Variants in PABPC4 observed in about 807,000 individuals in gnomAD.
PABPC4 encodes the protein polyadenylate-binding protein 4.
PABPC4 carries 15 observed loss-of-function variants against 74.5 expected under a neutral mutation model. The ratio of observed to expected loss-of-function variants is 0.20; its 90% confidence interval spans 0.13 to 0.31. The LOEUF (loss-of-function observed/expected upper bound fraction) is 0.31, where lower values mean the gene tolerates loss of function less well. PABPC4 is among the 10% of genes least tolerant of loss of function. The pLI is 1.00. For missense variants in PABPC4, 610 were observed against 853.5 expected (o/e 0.71, Z 3.55); for synonymous variants, 345 against 303.0 (o/e 1.14, Z -1.44).
At chr1:39,574,715 A>AG (rs1275102862) in intron 1 of PABPC4, among the ~76,000 whole-genome samples, 1 of 152,256 alleles carries the variant, frequency 6.6e-6, no homozygotes, top group Non-Finnish European at 1.5e-5. Context: ...CAGAAAACAA[A>AG]GGGGGGACCC....
At chr1:39,570,132 G>A in intron 3 of PABPC4, 130 bp from the exon 4 acceptor site, 1 of 878,376 alleles carries the variant, frequency 1.1e-6, no homozygotes, top group East Asian at 2.5e-5. Context: ...CCACCAAGGA[G>A]GCTCAGAGAT....
chr1:39,563,438 A>T, intron 12 of PABPC4, 176 bp downstream of exon 12: 2 of 785,380 alleles, frequency 2.5e-6, no homozygotes, highest in Non-Finnish European at 3.9e-6. Context: ...GAGCACTTTT[A>T]AGCCCCTTCT....
chr1:39,564,576 G>T, intron 9 of PABPC4, 34 bp from the exon 10 acceptor site: 1 of 1,613,546 alleles, frequency 6.2e-7, no homozygotes. Context: ...TCATTGAGAA[G>T]TGATGTGGAC....
chr1:39,572,613 A>T, intron 1 of PABPC4, 27 bp from the exon 2 acceptor site: 1 of 1,591,608 alleles, frequency 6.3e-7, no homozygotes, highest in East Asian at 2.2e-5. Flanking sequence ...CATTTCAATA[A>T]GGAGAGAAAA....
chr1:39,573,358 C>A (rs12130013), intron 1 of PABPC4, among the ~76,000 whole-genome samples: 1 of 152,126 alleles, frequency 6.6e-6, no homozygotes, highest in African/African-American at 2.4e-5. Context: ...GTAGACAGTG[C>A]GCAGATGGCA....
Position 39,576,016 on chromosome 1 carries a change from A to C in PABPC4, c.-65T>G. On this transcript the variant is annotated 5_prime_UTR_variant, in exon 1 of 16. Coordinates refer to ENST00000372858, the MANE Select transcript of PABPC4 (RefSeq NM_001135653.2). ...TTCTTATCGGGCCCGCCGCAGGACA[A>C]AGGGGCGCCTTCGGAGCCCGGGCCC... 7.8e-6 allele frequency: 9 copies of C among 1,150,806 alleles called. No individual in the cohort carries two copies. The highest frequency in any genetic ancestry group is 8.1e-6 in the Non-Finnish European group (7 of 861,316). 71.3% of individuals were successfully genotyped at this position (1,150,806 alleles called of 1,614,324 possible). A position where few individuals can be genotyped will look rare whatever the true frequency, so the allele number is the denominator to read the frequency against.
intron 7 of PABPC4, 102 bp from the exon 8 acceptor site, chr1:39,565,480 CTGCT>C (rs1645822986): frequency 8.2e-7 from 1 of 1,219,294 alleles, no homozygotes; most frequent in Non-Finnish European, 1.2e-6. Context: ...GGTGGGAGGG[CTGCT>C]TGAGCTCAGG....
chr1:39,570,017 T>C lies in PABPC4; in HGVS notation c.504-15A>G, dbSNP rs149266045. On this transcript the variant is annotated splice_polypyrimidine_tract_variant and intron_variant, in intron 3 of 15. Transcript: ENST00000372858. ...TGCCCACAAATCTAAAATGAAACCA[T>C]GAAGAACAGTAATTACCCAGAGGAA... 1.1e-4 allele frequency: 172 copies of C among 1,611,864 alleles called. No homozygotes were observed. The African/African-American group carries it at 2.0e-3, about 19-fold the overall frequency.
chr1:39,568,804 G>T lies in PABPC4; in HGVS notation c.874C>A (p.Gln292Lys). 1 of 1,613,050 alleles carries T rather than the reference G, an allele frequency of 6.2e-7. No individual in the cohort carries two copies. Among genetic ancestry groups the T allele is most frequent in the Non-Finnish European group, 8.5e-7 (1 of 1,179,696 alleles). ...AGGCTGGGCCAAGACCACCTTACCT[G>T]ATATCGACTAATTCTCTCCTGTTTC... ...QLKQERISRYQGVNLYIKNLD... is the reference protein window; with the variant it reads ...QLKQERISRYKGVNLYIKNLD... Residue 292 changes from glutamine (Q) to lysine (K), a missense_variant and splice_region_variant, in exon 6 of 16, where the codon CAG (glutamine) becomes AAG (lysine). Coordinates refer to ENST00000372858, the MANE Select transcript of PABPC4 (RefSeq NM_001135653.2).
intron 7 of PABPC4, among the ~76,000 whole-genome samples, chr1:39,567,160 C>T (rs78260708): frequency 0.058 from 8,882 of 152,262 alleles, 358 homozygotes; most frequent in Non-Finnish European, 0.083. Context: ...TCAGCATTCT[C>T]TTGTTCAAGG....
At chr1:39,572,652 G>T in intron 1 of PABPC4, 66 bp from the exon 2 acceptor site, 1 of 1,256,874 alleles carries the variant, frequency 8.0e-7, no homozygotes, top group Non-Finnish European at 1.1e-6. Context: ...AACAGCCTAA[G>T]AACAGATTAC....
intron 1 of PABPC4, 94 bp from the exon 2 acceptor site, chr1:39,572,680 T>C: frequency 3.3e-6 from 3 of 907,608 alleles, no homozygotes; most frequent in Non-Finnish European, 5.1e-6. Flanking sequence ...CTTTTCAAGG[T>C]AATCACTCTT....
chr1:39,571,240 C>T lies in PABPC4; in HGVS notation c.497G>A (p.Arg166His), dbSNP rs1376845772. ...EKMNGMLLND[R>H]KVFVGRFKSR... ...TCCGGACTGGGACACTCACACTTTG[C>T]GGTCATTGAGGAGCATGCCATTCAT... The change falls in exon 3 of 16, where the codon CGC (arginine) becomes CAC (histidine). Residue 166 changes from arginine to histidine, a missense_variant. Physicochemically the swap from Arg to His is conservative, Grantham distance 29. Around this residue, in one of 4 missense-constraint regions of PABPC4, gnomAD observed 304 missense variants for 478.9 expected, o/e 0.63. Transcript: ENST00000372858. 2 of 1,614,018 alleles carry T rather than the reference C, an allele frequency of 1.2e-6. No individual in the cohort carries two copies. The highest frequency in any genetic ancestry group is 1.1e-5 in the South Asian group (1 of 91,058).
In PABPC4 at chr1:39,568,764, G is replaced by A. The variant is rs1271107815; in HGVS notation, c.876+38C>T. On this transcript the variant is annotated intron_variant, in intron 6 of 15. Coordinates refer to ENST00000372858, the MANE Select transcript of PABPC4 (RefSeq NM_001135653.2). ...AGGGGTGTTCTGCAAATATTTCACA[G>A]CAAATCCCATTGCTAGGCTGGGCCA... 3.8e-6 allele frequency: 6 copies of A among 1,596,142 alleles called. No individual in the cohort carries two copies. The African/African-American group carries it at 4.0e-5, about 11-fold the overall frequency.
chr1:39,561,427 C>T, intron 15 of PABPC4: 1 of 439,986 alleles, frequency 2.3e-6, no homozygotes, highest in East Asian at 4.5e-5. Context: ...GCTTATTTTA[C>T]TGTCTCTTCT....
intron 7 of PABPC4, among the ~76,000 whole-genome samples, chr1:39,566,618 G>C (rs1192190176): frequency 6.6e-6 from 1 of 152,208 alleles, no homozygotes; most frequent in Non-Finnish European, 1.5e-5. Flanking sequence ...GTGGAGGATA[G>C]GGAAGTAAAG....
At chr1:39,571,466 GTACACCAGTATAATTT>G in intron 2 of PABPC4, 117 bp from the exon 3 acceptor site, 7 of 1,165,996 alleles carry the variant, frequency 6.0e-6, no homozygotes, top group Non-Finnish European at 8.7e-6. Context: ...TGGTGGTCAA[GTACACCAGTATAATTT>G]TTCTAACACC....
chr1:39,564,882 C>G (rs910122172), intron 8 of PABPC4, 109 bp from the exon 9 acceptor site: 1 of 975,064 alleles, frequency 1.0e-6, no homozygotes, highest in Non-Finnish European at 1.6e-6. Flanking sequence ...TTTAAATGTT[C>G]TTTCTATTCA....
chr1:39,561,952 G>A, intron 14 of PABPC4, 121 bp downstream of exon 14: 1 of 1,239,852 alleles, frequency 8.1e-7, no homozygotes, highest in East Asian at 2.3e-5. Flanking sequence ...CACAGTCAAG[G>A]CATGACGAGA....
Sources: gnomAD v4.1 joint callset for allele counts (sites outside exome capture counted in the v4.1 genomes callset) on GRCh38, gnomAD v4.1.1 for gene constraint, gnomAD v4.1.1 regional missense constraint, MANE v1.5 for transcripts, NCBI Gene and HGNC (gene_info 2026-07-23, HGNC 2026-07-21) for gene names.